The following PCF11 variants were observed in gnomAD, a reference collection of about 807,000 sequenced individuals.
PCF11 encodes the protein PCF11 cleavage and polyadenylation factor subunit.
Under a neutral mutation model 166.1 loss-of-function variants are expected in PCF11, and 19 were observed. That is an observed-to-expected ratio of 0.11 (90% CI 0.08 to 0.17). The LOEUF is 0.17. PCF11 is among the 10% of genes least tolerant of loss of function. The probability of loss-of-function intolerance (pLI) is 1.00; values close to 1 mark genes in which losing one functional copy is unlikely to be tolerated. For synonymous variants in PCF11, 663 were observed against 644.1 expected (o/e 1.03, Z -0.44); for missense variants, 1,565 against 1,855.5 (o/e 0.84, Z 2.88).
intron 15 of PCF11, among the ~76,000 whole-genome samples, chr11:83,183,838 C>T (rs1861169998): frequency 6.6e-6 from 1 of 151,898 alleles, no homozygotes; most frequent in Admixed American, 6.5e-5. Flanking sequence ...AAAAATGATA[C>T]CAGTCGTTGA....
intron 15 of PCF11, among the ~76,000 whole-genome samples, chr11:83,183,745 C>T (rs1861165592): frequency 6.6e-6 from 1 of 152,002 alleles, no homozygotes; most frequent in Non-Finnish European, 1.5e-5. Context: ...CCACCTTGGC[C>T]TCCCAAAGTG....
rs557275155 is a variant in PCF11, at chr11:83,182,947, A to G, written c.4417-91A>G. On this transcript the variant is annotated intron_variant, in intron 14 of 15. Transcript: ENST00000298281. ...AATAATTTTTGTCTTCTTTCCAAAG[A>G]CTATCTTCTGGCTTAAAGTTAAAAA... The G allele has an allele frequency of 9.8e-6, 8 of 816,530 alleles. No individual in the cohort carries two copies. In the South Asian group the frequency reaches 1.2e-4, roughly 12 times the overall value. 50.6% of individuals were successfully genotyped at this position (816,530 alleles called of 1,614,324 possible). A position where few individuals can be genotyped will look rare whatever the true frequency, so the allele number is the denominator to read the frequency against.
chr11:83,166,092 A>G (rs919984588), exon 5 of PCF11: 1 of 1,611,456 alleles, frequency 6.2e-7, no homozygotes, highest in Admixed American at 1.7e-5. Flanking sequence ...TGATATGAAC[A>G]AGAGAGATCC....
intron 11 of PCF11, 49 bp from the exon 12 acceptor site, chr11:83,180,959 C>T (rs1861065810): frequency 2.8e-6 from 3 of 1,062,378 alleles, no homozygotes; most frequent in Admixed American, 2.3e-5. Flanking sequence ...CTTTTAAAGG[C>T]CATTAAGCCA....
exon 1 of PCF11, chr11:83,157,341 A>C: frequency 9.0e-7 from 1 of 1,114,672 alleles, no homozygotes; most frequent in East Asian, 2.5e-5. Flanking sequence ...CGGAGCCGCG[A>C]GAGAGCCGGG....
chr11:83,177,473 A>G (rs1453880336), intron 10 of PCF11, among the ~76,000 whole-genome samples: 4 of 152,202 alleles, frequency 2.6e-5, no homozygotes, highest in Non-Finnish European at 5.9e-5. Context: ...AACTTTTGAA[A>G]AGGTTTTGAA....
chr11:83,175,260 G>A (rs1860836060), intron 9 of PCF11, among the ~76,000 whole-genome samples: 1 of 152,138 alleles, frequency 6.6e-6, no homozygotes, highest in Non-Finnish European at 1.5e-5. Flanking sequence ...AGCCTTCTGA[G>A]TAGCTGGATT....
chr11:83,184,552 G>A, intron 15 of PCF11, 127 bp from the exon 16 acceptor site: 1 of 648,864 alleles, frequency 1.5e-6, no homozygotes, highest in Non-Finnish European at 2.7e-6. Context: ...TTGGGAGGCA[G>A]GTGTTTCATT....
At chr11:83,177,653 C>G (rs189575257) in intron 10 of PCF11, 61 bp from the exon 11 acceptor site, 1 of 801,834 alleles carries the variant, frequency 1.2e-6, no homozygotes, top group African/African-American at 1.7e-5. Context: ...TATAGTGTTC[C>G]TCTGTAGAGA....
exon 5 of PCF11, chr11:83,166,349 A>T: frequency 6.2e-7 from 1 of 1,613,964 alleles, no homozygotes; most frequent in Non-Finnish European, 8.5e-7. Context: ...GATCTCGATC[A>T]CCCAAGTCTA....
chr11:83,171,800 T>C lies in PCF11; in HGVS notation c.3661-18T>C. On this transcript the variant is annotated intron_variant, in intron 8 of 15. Coordinates refer to ENST00000298281, the Ensembl canonical transcript of PCF11. ...AAATATAGAAAGCATGTTCTTAAAATTAAGGTTTTTCTTAAAGGTTCTGAG... is the reference window on the plus strand; with the variant it reads ...AAATATAGAAAGCATGTTCTTAAAACTAAGGTTTTTCTTAAAGGTTCTGAG... 1 of 1,349,600 alleles carries C rather than the reference T, an allele frequency of 7.4e-7. No individual in the cohort carries two copies. Among genetic ancestry groups the C allele is most frequent in the Non-Finnish European group, 1.1e-6 (1 of 942,262 alleles). 83.6% of individuals were successfully genotyped at this position (1,349,600 alleles called of 1,614,324 possible).
At chr11:83,171,407 A>G (rs1008538488) in intron 8 of PCF11, 5 of 378,904 alleles carry the variant, frequency 1.3e-5, no homozygotes, top group Non-Finnish European at 2.6e-5. Context: ...GATTGTGTAT[A>G]GATCATATTG....
In PCF11 at chr11:83,171,780, T is replaced by C. The variant is rs529896435; in HGVS notation, c.3661-38T>C. On this transcript the variant is annotated intron_variant, in intron 8 of 15. Transcript: ENST00000298281. ...GATGTTAAAAGTTTTACTTGAAATA[T>C]AGAAAGCATGTTCTTAAAATTAAGG... 6 of 1,029,298 alleles carry C rather than the reference T, an allele frequency of 5.8e-6. No individual in the cohort carries two copies. The East Asian group carries it at 9.5e-5, about 16-fold the overall frequency. 63.8% of individuals were successfully genotyped at this position (1,029,298 alleles called of 1,614,324 possible). A position where few individuals can be genotyped will look rare whatever the true frequency, so the allele number is the denominator to read the frequency against.
chr11:83,160,221 C>G (rs1047008237), intron 1 of PCF11, among the ~76,000 whole-genome samples: 12 of 151,354 alleles, frequency 7.9e-5, no homozygotes, highest in Non-Finnish European at 1.8e-4. Flanking sequence ...TTGTGTACTC[C>G]AGAACTGTGA....
chr11:83,179,001 A>G (rs1350607256), intron 11 of PCF11, among the ~76,000 whole-genome samples: 1 of 152,132 alleles, frequency 6.6e-6, no homozygotes, highest in Non-Finnish European at 1.5e-5. Context: ...TTTCTAGTGA[A>G]TAAATTCATT....
chr11:83,173,731 T>C (rs1371652517), intron 9 of PCF11, among the ~76,000 whole-genome samples: 6 of 125,266 alleles, frequency 4.8e-5, no homozygotes, highest in African/African-American at 1.5e-4. Flanking sequence ...TTTTTTTTTT[T>C]TTTTTTTTTT....
At chr11:83,164,366 C>T (rs756959180) in exon 4 of PCF11, 2 of 1,613,384 alleles carry the variant, frequency 1.2e-6, no homozygotes, top group Non-Finnish European at 1.7e-6. Context: ...GCAGAAAAAG[C>T]TGGAGCTTGA....
At chr11:83,172,101 G>T (rs1211065001) in intron 9 of PCF11, among the ~76,000 whole-genome samples, 187 bp downstream of exon 9, 1 of 152,124 alleles carries the variant, frequency 6.6e-6, no homozygotes, top group Non-Finnish European at 1.5e-5. Context: ...TATTCATAAT[G>T]ACCCTATTTA....
intron 1 of PCF11, chr11:83,158,117 G>C (rs1860067913): frequency 3.2e-5 from 5 of 154,178 alleles, no homozygotes; most frequent in Admixed American, 3.2e-4. Context: ...TAGGGATTTG[G>C]CCCCGAGTGG....
Sources: gnomAD v4.1 joint callset for allele counts (sites outside exome capture counted in the v4.1 genomes callset) on GRCh38, gnomAD v4.1.1 for gene constraint, MANE v1.5 for transcripts, NCBI Gene and HGNC (gene_info 2026-07-23, HGNC 2026-07-21) for gene names.